The following KDM4B variants were observed in gnomAD, a reference collection of about 807,000 sequenced individuals.
KDM4B encodes lysine demethylase 4B, also known as lysine-specific demethylase 4B.
In KDM4B, 32 loss-of-function variants were observed where a neutral mutation model predicts 125.2. The ratio of observed to expected loss-of-function variants is 0.26; its 90% CI spans 0.19 to 0.34. KDM4B has a LOEUF of 0.34. Ranked by LOEUF, KDM4B falls within the 10% of genes least tolerant of loss-of-function variation. The pLI is 1.00. For missense variants in KDM4B, 1,190 were observed against 1,577.7 expected, an observed-to-expected ratio of 0.75 and a Z score of 4.16; for synonymous variants, 721 against 677.9, an observed-to-expected ratio of 1.06 and a Z score of -0.99.
At chr19:5,100,598 T>C (rs1430644553) in intron 9 of KDM4B, among the ~76,000 whole-genome samples, 1 of 152,158 alleles carries the variant, frequency 6.6e-6, no homozygotes, top group Non-Finnish European at 1.5e-5. Context: ...GGCTAATTTT[T>C]TGTAGAGATG....
intron 6 of KDM4B, among the ~76,000 whole-genome samples, chr19:5,049,574 C>G (rs1444339250): frequency 6.6e-6 from 1 of 151,972 alleles, no homozygotes; most frequent in African/African-American, 2.4e-5. Context: ...CTCAACCCCC[C>G]AGAGCTCCCC....
chr19:5,111,727 C>A, intron 10 of KDM4B: 1 of 763,004 alleles, frequency 1.3e-6, no homozygotes, highest in Non-Finnish European at 2.4e-6. Context: ...GCCAACTCCT[C>A]CGGGGAAGGG....
chr19:5,049,904 G>T (rs554085346), intron 6 of KDM4B, among the ~76,000 whole-genome samples: 11 of 152,164 alleles, frequency 7.2e-5, no homozygotes, highest in Middle Eastern at 3.4e-3. Flanking sequence ...CTCCCAACTT[G>T]CAGGGGGGTG....
At chr19:5,045,714 C>T (rs1328254384) in intron 5 of KDM4B, among the ~76,000 whole-genome samples, 1 of 152,160 alleles carries the variant, frequency 6.6e-6, no homozygotes, top group Non-Finnish European at 1.5e-5. Flanking sequence ...ACTTCGTGAT[C>T]TGCCCGCCTT....
intron 2 of KDM4B, among the ~76,000 whole-genome samples, chr19:5,029,239 G>A (rs1314724339): frequency 1.3e-5 from 2 of 152,238 alleles, no homozygotes; most frequent in Non-Finnish European, 2.9e-5. Context: ...TGGGCTGTTT[G>A]TCTTTGCCTC....
chr19:5,058,478 G>A (rs1014596519), intron 6 of KDM4B, among the ~76,000 whole-genome samples: 5 of 152,192 alleles, frequency 3.3e-5, no homozygotes, highest in Admixed American at 6.5e-5. Flanking sequence ...CGGGAAGGGG[G>A]CATAGAAGCT....
chr19:4,989,756 G>A (rs74172676), intron 1 of KDM4B, among the ~76,000 whole-genome samples: 28,831 of 151,934 alleles, frequency 0.19, 2,993 homozygotes, highest in Middle Eastern at 0.31. Context: ...GGGTTCAAGC[G>A]ATTCTCCTGC....
In KDM4B at chr19:5,060,812, G is replaced by A. The variant is rs574588391; in HGVS notation, c.627-10198G>A. On this transcript the variant is annotated intron_variant, in intron 6 of 22. Transcript: ENST00000159111. ...CCCTGCGCACCCTCCCCTGTGACGG[G>A]CACTCTCACAGCTTTCCTGGCGAGG... is the stretch of plus-strand genomic sequence containing the variant. 8.5e-5 allele frequency among the ~76,000 whole-genome samples: 13 copies of A among 152,334 alleles called. No individual in the cohort carries two copies. The South Asian group carries it at 2.5e-3, about 29-fold the overall frequency.
intron 9 of KDM4B, among the ~76,000 whole-genome samples, chr19:5,098,196 CA>C (rs1320605982): frequency 2.2e-4 from 33 of 152,336 alleles, no homozygotes; most frequent in African/African-American, 7.9e-4. Context: ...CCATTAACAG[CA>C]GGGGGGACTC....
At chr19:5,124,125 G>A (rs1437165301) in intron 11 of KDM4B, among the ~76,000 whole-genome samples, 1 of 152,130 alleles carries the variant, frequency 6.6e-6, no homozygotes, top group African/African-American at 2.4e-5. Flanking sequence ...ACAGGAGATG[G>A]GTGAGTTATG....
chr19:5,110,591 G>A (rs771075991), intron 9 of KDM4B, 31 bp from the exon 10 acceptor site: 14 of 1,610,672 alleles, frequency 8.7e-6, no homozygotes, highest in African/African-American at 2.7e-5. Flanking sequence ...CAGGTGTGGC[G>A]CGAGGGCTCA....
chr19:5,112,045 G>A (rs965820263), intron 10 of KDM4B: 6 of 542,540 alleles, frequency 1.1e-5, no homozygotes, highest in Non-Finnish European at 1.7e-5. Flanking sequence ...TTGAGTCCAG[G>A]GGTTTGAGAC....
intron 10 of KDM4B, chr19:5,119,052 G>A: frequency 3.0e-6 from 3 of 999,160 alleles, no homozygotes; most frequent in Non-Finnish European, 4.5e-6. Context: ...CAGGTGGCCA[G>A]GACCAGGCGT....
intron 10 of KDM4B, among the ~76,000 whole-genome samples, chr19:5,117,842 C>T (rs550444965): frequency 6.6e-6 from 1 of 152,178 alleles, no homozygotes; most frequent in African/African-American, 2.4e-5. Context: ...CTCTGGTCCA[C>T]CCGCTTTCTG....
chr19:5,137,379 C>T lies in KDM4B; in HGVS notation c.2385+41C>T, dbSNP rs368467650. On this transcript the variant is annotated intron_variant, in intron 16 of 22. Coordinates refer to ENST00000159111, the MANE Select transcript of KDM4B (RefSeq NM_015015.3). ...CAGCGGGGGTGGTGCTCTGAGAGGCCTGGGCCCCGGCCCCACTCCAGTGGG... is the reference window on the plus strand; with the variant it reads ...CAGCGGGGGTGGTGCTCTGAGAGGCTTGGGCCCCGGCCCCACTCCAGTGGG... 3.3e-6 allele frequency: 5 copies of T among 1,527,496 alleles called. No homozygotes were observed. In the African/African-American group the frequency reaches 6.9e-5, roughly 21 times the overall value. The allele number at this position is 1,527,496 out of a possible 1,614,324, so 94.6% of individuals were successfully genotyped here.
At chr19:5,010,023 C>T (rs530249481) in intron 1 of KDM4B, among the ~76,000 whole-genome samples, 4 of 152,354 alleles carry the variant, frequency 2.6e-5, no homozygotes, top group African/African-American at 9.6e-5. Flanking sequence ...TGAGCCACTG[C>T]ACCTGGCCTC....
At chr19:5,018,542 C>T (rs1367205160) in intron 2 of KDM4B, among the ~76,000 whole-genome samples, 6 of 152,196 alleles carry the variant, frequency 3.9e-5, no homozygotes, top group Admixed American at 3.9e-4. Flanking sequence ...AGATAGGCTG[C>T]CTTCACTTTG....
At chr19:5,124,841 T>C (rs1183212570) in intron 11 of KDM4B, among the ~76,000 whole-genome samples, 2 of 152,078 alleles carry the variant, frequency 1.3e-5, no homozygotes, top group South Asian at 2.1e-4. Flanking sequence ...GGTGATCCAC[T>C]TGCCTCAGCC....
chr19:5,100,693 G>C (rs1051781205), intron 9 of KDM4B, among the ~76,000 whole-genome samples: 3 of 152,160 alleles, frequency 2.0e-5, no homozygotes, highest in African/African-American at 7.2e-5. Flanking sequence ...TGGGATTAAG[G>C]CGTGAGCCAC....
Sources: gnomAD v4.1 joint callset for allele counts (sites outside exome capture counted in the v4.1 genomes callset) on GRCh38, gnomAD v4.1.1 for gene constraint, MANE v1.5 for transcripts, NCBI Gene and HGNC (gene_info 2026-07-23, HGNC 2026-07-21) for gene names.